The following INSIG2 variants were observed in gnomAD, a reference collection of about 807,000 sequenced individuals.
The protein encoded by INSIG2 is insulin-induced gene 2 protein.
INSIG2 carries 10 observed loss-of-function variants against 27.2 expected under a neutral mutation model. That is an observed-to-expected ratio of 0.37 (90% CI 0.23 to 0.62). The LOEUF (loss-of-function observed/expected upper bound fraction) is 0.62, where lower values mean the gene tolerates loss of function less well. Ranked by LOEUF, INSIG2 falls within the 20% of genes least tolerant of loss-of-function variation. The probability of loss-of-function intolerance (pLI) is 0.65; values close to 1 mark genes in which losing one functional copy is unlikely to be tolerated. For missense variants in INSIG2, 178 were observed against 270.2 expected (o/e 0.66, Z 2.39); for synonymous variants, 97 against 95.8 (o/e 1.01, Z -0.07).
At chr2:118,103,435 CA>C (rs1678599154) in intron 3 of INSIG2, 114 bp downstream of exon 3, 2 of 845,308 alleles carry the variant, frequency 2.4e-6, no homozygotes, top group Non-Finnish European at 3.6e-6. Flanking sequence ...CCCACTTAGT[CA>C]GAAGAAGAAT....
rs368616419 is a variant in INSIG2 at position 118,097,988 on chromosome 2, G to A, written c.244+1188G>A. 2.6e-5 allele frequency among the ~76,000 whole-genome samples: 4 copies of A among 152,252 alleles called. No homozygotes were observed. The East Asian group carries it at 7.7e-4, about 29-fold the overall frequency. On this transcript the variant is annotated intron_variant, in intron 2 of 5. Transcript: ENST00000245787. The stretch of plus-strand genomic sequence containing the variant: ...TATACTGATGTCTCACTATTACATC[G>A]TTCACATTAAAAGTGAAGTCATGAA...
At chr2:118,101,627 AAAAG>A (rs1386625014) in intron 2 of INSIG2, among the ~76,000 whole-genome samples, 2 of 152,186 alleles carry the variant, frequency 1.3e-5, no homozygotes, top group African/African-American at 4.8e-5. Context: ...CCTTGAGAAA[AAAAG>A]AGGTGATATT....
rs1209835127 is a variant in INSIG2, at chr2:118,096,489, G to A, written c.-68G>A. On this transcript the variant is annotated 5_prime_UTR_variant, in exon 2 of 6. Coordinates refer to ENST00000245787, the MANE Select transcript of INSIG2 (RefSeq NM_016133.4). ...AGCGTCAGTCTTTGATTCACAGACA[G>A]TTGAGCTTTTCAGCTGGGAAGCCTT... 3.3e-6 allele frequency: 5 copies of A among 1,505,814 alleles called. No individual in the cohort carries two copies. Among genetic ancestry groups the A allele is most frequent in the Non-Finnish European group, 4.4e-6 (5 of 1,123,720 alleles). The allele number at this position is 1,505,814 out of a possible 1,614,324, so 93.3% of individuals were successfully genotyped here.
intron 3 of INSIG2, among the ~76,000 whole-genome samples, chr2:118,103,655 T>G (rs940454815): frequency 5.3e-5 from 8 of 152,328 alleles, no homozygotes; most frequent in Non-Finnish European, 7.4e-5. Context: ...AGTTTTTTCC[T>G]CTCTTTCTTT....
At chr2:118,094,557 C>G (rs1231306877) in intron 1 of INSIG2, among the ~76,000 whole-genome samples, 2 of 152,140 alleles carry the variant, frequency 1.3e-5, no homozygotes, top group African/African-American at 2.4e-5. Context: ...ATTAGCTATA[C>G]TGTGGATTAG....
At chr2:118,094,389 G>GATGATGATGATGATGATGATGATGATGAT (rs58844046) in intron 1 of INSIG2, among the ~76,000 whole-genome samples, 1 of 148,054 alleles carries the variant, frequency 6.8e-6, no homozygotes, top group African/African-American at 2.5e-5. Flanking sequence ...TGATGATGAT[G>GATGATGATGATGATGATGATGATGATGAT]GAGAGTTCTG....
intron 3 of INSIG2, among the ~76,000 whole-genome samples, 163 bp downstream of exon 3, chr2:118,103,484 G>A (rs1484297498): frequency 6.6e-6 from 1 of 152,174 alleles, no homozygotes; most frequent in Non-Finnish European, 1.5e-5. Context: ...TAGCAGCTGT[G>A]CAATTATAAA....
chr2:118,108,269 T>C lies in INSIG2; in HGVS notation c.637-12T>C, dbSNP rs751005657. The stretch of plus-strand genomic sequence containing the variant: ...TTAATCTGTTAACCTTTTAACCTTT[T>C]AATTTTTGCAGTACGAATGTAAAGT... On this transcript the variant is annotated splice_polypyrimidine_tract_variant and intron_variant, in intron 5 of 5. Coordinates refer to ENST00000245787, the MANE Select transcript of INSIG2 (RefSeq NM_016133.4). 6.3e-7 allele frequency: 1 copy of C among 1,577,900 alleles called. No individual in the cohort carries two copies. Among genetic ancestry groups the C allele is most frequent in the Non-Finnish European group, 8.6e-7 (1 of 1,158,664 alleles).
chr2:118,098,079 A>G (rs1050819871), intron 2 of INSIG2, among the ~76,000 whole-genome samples: 2 of 152,218 alleles, frequency 1.3e-5, no homozygotes, highest in African/African-American at 2.4e-5. Context: ...TAGTCCAAAT[A>G]AAAAACAAAT....
intron 1 of INSIG2, among the ~76,000 whole-genome samples, chr2:118,093,591 TGAG>T (rs752140968): frequency 2.0e-4 from 1 of 4,972 alleles, no homozygotes; most frequent in Middle Eastern, 0.12. Flanking sequence ...ATGATGATGA[TGAG>T]GAGGAGGAGG....
chr2:118,105,339 C>A (rs959600557), intron 3 of INSIG2, among the ~76,000 whole-genome samples: 1 of 152,222 alleles, frequency 6.6e-6, no homozygotes, highest in Non-Finnish European at 1.5e-5. Context: ...CCGCACCTGG[C>A]CCATATGGCA....
At position 118,096,531 on chromosome 2, in the gene INSIG2, T is replaced by A. The variant is rs773390060; in HGVS notation, c.-26T>A. 5.1e-5 allele frequency: 80 copies of A among 1,567,620 alleles called. No individual in the cohort carries two copies. The highest frequency in any genetic ancestry group is 6.8e-5 in the Non-Finnish European group (79 of 1,162,104). On this transcript the variant is annotated 5_prime_UTR_variant, in exon 2 of 6. Coordinates refer to ENST00000245787, the MANE Select transcript of INSIG2 (RefSeq NM_016133.4). ...GGAAGCCTTTCCATTTTTTTTTTTTTAACGGCTTTCTGAACCTATGAAACC... is the reference window on the plus strand; with the variant it reads ...GGAAGCCTTTCCATTTTTTTTTTTTAAACGGCTTTCTGAACCTATGAAACC...
chr2:118,107,946 A>ATTCT (rs1363298539), intron 5 of INSIG2, among the ~76,000 whole-genome samples: 11 of 152,268 alleles, frequency 7.2e-5, no homozygotes, highest in African/African-American at 2.4e-4. Flanking sequence ...AATTTGCCTT[A>ATTCT]TTGAATACTC....
In INSIG2 at chr2:118,110,773, A is replaced by T. The variant is rs1329963947; in HGVS notation, c.*2451A>T. ...ATTATTTCAAGTTATGGAAATTTGC[A>T]CAGTTGAAAACTGGGGATAAATTCT... On this transcript the variant is annotated 3_prime_UTR_variant, in exon 6 of 6. Transcript: ENST00000245787. 7 of 152,184 alleles carry T rather than the reference A, an allele frequency of 4.6e-5. No homozygotes were observed. 9.4% of individuals were successfully genotyped at this position (152,184 alleles called of 1,614,324 possible).
chr2:118,092,241 C>T (rs911293738), intron 1 of INSIG2, among the ~76,000 whole-genome samples: 19 of 152,176 alleles, frequency 1.2e-4, no homozygotes, highest in Non-Finnish European at 1.5e-5. Flanking sequence ...CACGTGAGGG[C>T]AACGTGCTGT....
At chr2:118,088,989 A>G (rs569885553) in intron 1 of INSIG2, among the ~76,000 whole-genome samples, 2 of 152,350 alleles carry the variant, frequency 1.3e-5, no homozygotes, top group African/African-American at 4.8e-5. Flanking sequence ...TAGTAAGTTT[A>G]TAATCCACTA....
chr2:118,098,126 T>C (rs2630462), intron 2 of INSIG2, among the ~76,000 whole-genome samples: 1 of 152,224 alleles, frequency 6.6e-6, no homozygotes, highest in African/African-American at 2.4e-5. Context: ...CTGGTCCTCA[T>C]GCATTTTTCT....
rs758649687 is a variant in INSIG2, at chr2:118,103,356, A to G, written c.369+35A>G. 6.4e-6 allele frequency: 10 copies of G among 1,571,962 alleles called. No homozygotes were observed. In the African/African-American group the frequency reaches 1.3e-4, roughly 21 times the overall value. On this transcript the variant is annotated intron_variant, in intron 3 of 5. Coordinates refer to ENST00000245787, the MANE Select transcript of INSIG2 (RefSeq NM_016133.4). ...ACTCTGTAATGAAATGCATAATAAC[A>G]AAGTGGCTTCCAACAAACCAAAGGT...
In INSIG2 at chr2:118,108,265, C is replaced by G; in HGVS notation, c.637-16C>G. 6.4e-7 allele frequency: 1 copy of G among 1,569,412 alleles called. No individual in the cohort carries two copies. Among genetic ancestry groups the G allele is most frequent in the Middle Eastern group, 1.7e-4 (1 of 5,926 alleles). Reference sequence around the variant, plus strand: ...AGTCTTAATCTGTTAACCTTTTAACCTTTTAATTTTTGCAGTACGAATGTA... The same window carrying G: ...AGTCTTAATCTGTTAACCTTTTAACGTTTTAATTTTTGCAGTACGAATGTA... On this transcript the variant is annotated splice_polypyrimidine_tract_variant and intron_variant, in intron 5 of 5. Coordinates refer to ENST00000245787, the MANE Select transcript of INSIG2 (RefSeq NM_016133.4).
Sources: allele counts gnomAD v4.1 joint callset (sites outside exome capture counted in the v4.1 genomes callset), GRCh38; gene constraint gnomAD v4.1.1; transcripts MANE v1.5; gene names NCBI Gene and HGNC (gene_info 2026-07-23, HGNC 2026-07-21).